Variants in TMEM196 observed in about 807,000 individuals in gnomAD.
TMEM196 encodes transmembrane protein 196.
In TMEM196, 17 loss-of-function variants were observed where a neutral mutation model predicts 20.0. The observed-to-expected ratio is 0.85, with a 90% CI of 0.58 to 1.27. The LOEUF is 1.27. Ranked by LOEUF, TMEM196 falls within the 50% of genes most tolerant of loss-of-function variation. The probability of loss-of-function intolerance (pLI) is 0.00; values close to 1 mark genes in which losing one functional copy is unlikely to be tolerated. For synonymous variants in TMEM196, 113 were observed against 88.9 expected (o/e 1.27, Z -1.52); for missense variants, 267 against 223.0 (o/e 1.20, Z -1.26).
chr7:19,724,459 A>G, intron 3 of TMEM196, 106 bp from the exon 4 acceptor site: 1 of 970,210 alleles, frequency 1.0e-6, no homozygotes, highest in South Asian at 1.6e-5. Flanking sequence ...ATTCATATAT[A>G]CATATAAAAT....
rs902914456 is a variant in TMEM196, at chr7:19,768,814, C to T, written c.147+3736G>A. The stretch of plus-strand genomic sequence containing the variant: ...TTAAAAATTTATCACAGGAAGCATC[C>T]CTGCCTGATTAATCAGATGAAATAG... On this transcript the variant is annotated intron_variant, in intron 1 of 4. Transcript: ENST00000405844. Among the ~76,000 whole-genome samples, 15 of 152,114 alleles carry T rather than the reference C, an allele frequency of 9.9e-5. No individual in the cohort carries two copies. In the South Asian group the frequency reaches 1.9e-3, roughly 19 times the overall value.
intron 3 of TMEM196, among the ~76,000 whole-genome samples, chr7:19,724,747 T>C (rs1171560624): frequency 6.6e-6 from 1 of 152,180 alleles, no homozygotes; most frequent in African/African-American, 2.4e-5. Flanking sequence ...ATTTCCATGA[T>C]ATGAAGCAAA....
At chr7:19,742,265 A>T (rs1004514448) in intron 1 of TMEM196, among the ~76,000 whole-genome samples, 1 of 152,156 alleles carries the variant, frequency 6.6e-6, no homozygotes, top group Non-Finnish European at 1.5e-5. Context: ...TATCTAAAAC[A>T]CAATTCCTAA....
chr7:19,724,447 C>G (rs1284031903), intron 3 of TMEM196, 94 bp from the exon 4 acceptor site: 3 of 1,111,488 alleles, frequency 2.7e-6, no homozygotes, highest in Non-Finnish European at 3.9e-6. Flanking sequence ...AAAAGAGCCA[C>G]TATTCATATA....
At chr7:19,724,502 T>C in intron 3 of TMEM196, 149 bp from the exon 4 acceptor site, 3 of 708,498 alleles carry the variant, frequency 4.2e-6, no homozygotes, top group Non-Finnish European at 7.0e-6. Context: ...TTTCTTTAAA[T>C]TACTGGAGTC....
At chr7:19,739,915 A>G (rs1272770937) in intron 1 of TMEM196, among the ~76,000 whole-genome samples, 1 of 152,156 alleles carries the variant, frequency 6.6e-6, no homozygotes. Flanking sequence ...TTGATTACTG[A>G]AAGGAATTCA....
chr7:19,738,478 A>G lies in TMEM196; in HGVS notation c.148-9040T>C, dbSNP rs989531403. Among the ~76,000 whole-genome samples the G allele has an allele frequency of 3.9e-5, 6 of 152,102 alleles. No homozygotes were observed. The East Asian group carries it at 9.6e-4, about 24-fold the overall frequency. On this transcript the variant is annotated intron_variant, in intron 1 of 4. Transcript: ENST00000405844. ...CAAGTCGCAGGAGGAGCAACATGCCAGTATCAATGAGCACACCTATCACCC... is the reference window on the plus strand; with the variant it reads ...CAAGTCGCAGGAGGAGCAACATGCCGGTATCAATGAGCACACCTATCACCC...
chr7:19,734,609 C>T (rs978593856), intron 1 of TMEM196, among the ~76,000 whole-genome samples: 3 of 152,112 alleles, frequency 2.0e-5, no homozygotes, highest in Non-Finnish European at 4.4e-5. Flanking sequence ...GAAGATGCTA[C>T]GCTGTTTGCT....
chr7:19,747,206 G>C (rs1331286919), intron 1 of TMEM196, among the ~76,000 whole-genome samples: 1 of 149,240 alleles, frequency 6.7e-6, no homozygotes, highest in Non-Finnish European at 1.5e-5. Flanking sequence ...AGTTAGCCGA[G>C]ATCGCGCCAC....
intron 1 of TMEM196, among the ~76,000 whole-genome samples, chr7:19,741,551 G>A (rs1393682948): frequency 2.0e-5 from 3 of 152,102 alleles, no homozygotes; most frequent in Non-Finnish European, 4.4e-5. Context: ...CTGAATGGTA[G>A]CATTTGAAAA....
chr7:19,748,725 T>A (rs1174569635), intron 1 of TMEM196, among the ~76,000 whole-genome samples: 1 of 152,146 alleles, frequency 6.6e-6, no homozygotes, highest in African/African-American at 2.4e-5. Flanking sequence ...CAAGATACAT[T>A]TTGCTTAGCT....
At position 19,773,004 on chromosome 7, in the gene TMEM196, G is replaced by A. The variant is rs1785953701; in HGVS notation, c.-308C>T. ...GCTTTTAAGCAGCGGAAAACCTGGAGGAGCCCAGGGAGCTCCGAGCCTTGC... is the reference window on the plus strand; with the variant it reads ...GCTTTTAAGCAGCGGAAAACCTGGAAGAGCCCAGGGAGCTCCGAGCCTTGC... On this transcript the variant is annotated 5_prime_UTR_variant, in exon 1 of 5. Coordinates refer to ENST00000405844, the MANE Select transcript of TMEM196 (RefSeq NM_001363562.2). 1 of 232,418 alleles carries A rather than the reference G, an allele frequency of 4.3e-6. No homozygotes were observed. The allele number at this position is 232,418 out of a possible 1,614,324, so 14.4% of individuals were successfully genotyped here. A position where few individuals can be genotyped will look rare whatever the true frequency, so the allele number is the denominator to read the frequency against.
chr7:19,735,083 A>G (rs1392890644), intron 1 of TMEM196, among the ~76,000 whole-genome samples: 1 of 152,208 alleles, frequency 6.6e-6, no homozygotes. Flanking sequence ...AATTTGTAAC[A>G]TTCTTATATT....
chr7:19,739,877 A>G (rs1299109203), intron 1 of TMEM196, among the ~76,000 whole-genome samples: 1 of 152,196 alleles, frequency 6.6e-6, no homozygotes, highest in African/African-American at 2.4e-5. Context: ...GTAGAGAACT[A>G]CAGAATCATA....
chr7:19,724,625 T>C (rs1347618341), intron 3 of TMEM196, among the ~76,000 whole-genome samples: 3 of 152,290 alleles, frequency 2.0e-5, no homozygotes, highest in South Asian at 4.1e-4. Context: ...GTATAGATTG[T>C]ACACAAAATG....
chr7:19,743,587 G>C (rs182119690), intron 1 of TMEM196, among the ~76,000 whole-genome samples: 171 of 152,214 alleles, frequency 1.1e-3, no homozygotes, highest in Non-Finnish European at 1.9e-3. Flanking sequence ...CTGTGAAAAC[G>C]AAGGGGTTGG....
At chr7:19,748,285 A>AAAAAAAAAAAAAAAAAAC (rs1784838081) in intron 1 of TMEM196, among the ~76,000 whole-genome samples, 2 of 143,172 alleles carry the variant, frequency 1.4e-5, no homozygotes, top group African/African-American at 5.9e-5. Flanking sequence ...AAAAAAAAAA[A>AAAAAAAAAAAAAAAAAAC]AAAAAACAGT....
chr7:19,750,178 T>C (rs771913861), intron 1 of TMEM196, among the ~76,000 whole-genome samples: 13 of 152,182 alleles, frequency 8.5e-5, no homozygotes, highest in Non-Finnish European at 8.8e-5. Context: ...TCTCTCTCTT[T>C]AAGAGTCAGC....
intron 3 of TMEM196, 115 bp from the exon 4 acceptor site, chr7:19,724,468 A>G: frequency 6.9e-6 from 6 of 866,036 alleles, no homozygotes; most frequent in Non-Finnish European, 1.1e-5. Flanking sequence ...TACATATAAA[A>G]TGGTCATCTA....
Sources: allele counts gnomAD v4.1 joint callset (sites outside exome capture counted in the v4.1 genomes callset), GRCh38; gene constraint gnomAD v4.1.1; transcripts MANE v1.5; gene names NCBI Gene and HGNC (gene_info 2026-07-23, HGNC 2026-07-21).